Variants in PPARGC1A observed in about 807,000 individuals in gnomAD.
The protein encoded by PPARGC1A is PPARG coactivator 1 alpha.
Under a neutral mutation model 88.7 loss-of-function variants are expected in PPARGC1A, and 25 were observed. That is an observed-to-expected ratio of 0.28 (90% CI 0.21 to 0.39). The LOEUF is 0.39. PPARGC1A is among the 10% of genes least tolerant of loss of function. PPARGC1A has a pLI of 1.00. For synonymous variants in PPARGC1A, 363 were observed against 355.6 expected (o/e 1.02, Z -0.24); for missense variants, 880 against 968.7 (o/e 0.91, Z 1.22).
the PPARGC1A span, among the ~76,000 whole-genome samples, chr4:23,994,880 A>G: frequency 1.3e-5 from 2 of 152,208 alleles, no homozygotes; most frequent in African/African-American, 4.8e-5. Flanking sequence ...GACGAATTCC[A>G]GTCAATCAAC....
the PPARGC1A span, among the ~76,000 whole-genome samples, chr4:24,437,984 G>A: frequency 3.3e-5 from 5 of 152,074 alleles, no homozygotes; most frequent in African/African-American, 1.2e-4. Flanking sequence ...GCCTACAGCA[G>A]GGTTTCAGCT....
chr4:23,991,277 G>A, the PPARGC1A span, among the ~76,000 whole-genome samples: 1 of 152,032 alleles, frequency 6.6e-6, no homozygotes, highest in Non-Finnish European at 1.5e-5. Context: ...ATGAAATGAG[G>A]AATAATGTTT....
the PPARGC1A span, among the ~76,000 whole-genome samples, chr4:24,160,867 A>G: frequency 6.6e-6 from 1 of 152,152 alleles, no homozygotes; most frequent in African/African-American, 2.4e-5. Flanking sequence ...CTACTGAACA[A>G]AACACTCAAA....
At chr4:24,147,213 C>G in the PPARGC1A span, among the ~76,000 whole-genome samples, 1 of 152,176 alleles carries the variant, frequency 6.6e-6, no homozygotes, top group Non-Finnish European at 1.5e-5. Flanking sequence ...CCAGAGTAAA[C>G]TGGGCAGAGG....
intron 2 of PPARGC1A, among the ~76,000 whole-genome samples, chr4:23,869,714 A>G (rs1712869009): frequency 6.6e-6 from 1 of 152,142 alleles, no homozygotes; most frequent in Admixed American, 6.5e-5. Flanking sequence ...TGATATTACG[A>G]TTTCGTATGC....
At chr4:24,067,836 G>A in the PPARGC1A span, among the ~76,000 whole-genome samples, 1 of 152,100 alleles carries the variant, frequency 6.6e-6, no homozygotes, top group Non-Finnish European at 1.5e-5. Flanking sequence ...AATTCCAACT[G>A]CCAAAGTAAC....
the PPARGC1A span, among the ~76,000 whole-genome samples, chr4:24,338,159 T>C: frequency 6.6e-6 from 1 of 152,156 alleles, no homozygotes; most frequent in African/African-American, 2.4e-5. Flanking sequence ...TCTAAAGCAA[T>C]GCGATCAGAA....
intron 2 of PPARGC1A, among the ~76,000 whole-genome samples, chr4:23,848,199 T>C (rs1728653414): frequency 6.6e-6 from 1 of 152,220 alleles, no homozygotes; most frequent in South Asian, 2.1e-4. Flanking sequence ...TTCATGCCTC[T>C]CAGATAAAAT....
chr4:24,261,746 C>T, the PPARGC1A span, among the ~76,000 whole-genome samples: 1 of 151,964 alleles, frequency 6.6e-6, no homozygotes. Flanking sequence ...CTCCTATTTG[C>T]CTATTTCTGA....
Position 23,813,722 on chromosome 4 carries a change from T to C in PPARGC1A, c.1761A>G (p.Arg587=), listed in dbSNP as rs2109462702. The change falls in exon 8 of 13, where the codon AGA becomes AGG. Residue 587 remains arginine, a synonymous_variant. Coordinates refer to ENST00000264867, the MANE Select transcript of PPARGC1A (RefSeq NM_013261.5). ...SCSRSPYSRS[R]SRSPGSRSSS... ...AGGATCTACTGCCTGGAGACCTTGA[T>C]CTTGACCTGGAATATGGTGATCGGG... 6.2e-7 allele frequency: 1 copy of C among 1,610,178 alleles called. No homozygotes were observed. Among genetic ancestry groups the C allele is most frequent in the Non-Finnish European group, 8.5e-7 (1 of 1,177,738 alleles).
the PPARGC1A span, among the ~76,000 whole-genome samples, chr4:23,951,492 C>T: frequency 1.3e-5 from 2 of 152,086 alleles, 1 homozygote; most frequent in African/African-American, 4.8e-5. Context: ...GCAATTCATC[C>T]CATGGTTTTT....
chr4:24,312,118 CCTCA>C, the PPARGC1A span, among the ~76,000 whole-genome samples: 5 of 152,242 alleles, frequency 3.3e-5, no homozygotes, highest in Non-Finnish European at 5.9e-5. Context: ...ATTCTTTAAG[CCTCA>C]CTAATTCAGA....
the PPARGC1A span, among the ~76,000 whole-genome samples, chr4:24,051,410 A>T: frequency 6.6e-6 from 1 of 152,136 alleles, no homozygotes; most frequent in African/African-American, 2.4e-5. Flanking sequence ...ATAGTTATTT[A>T]TTGTTCAGTT....
the PPARGC1A span, among the ~76,000 whole-genome samples, chr4:24,301,787 C>G: frequency 6.6e-6 from 1 of 152,160 alleles, no homozygotes; most frequent in South Asian, 2.1e-4. Context: ...TGACCAGTTT[C>G]TTGGTTCTTA....
chr4:24,346,307 G>A, the PPARGC1A span, among the ~76,000 whole-genome samples: 1 of 152,070 alleles, frequency 6.6e-6, no homozygotes. Context: ...AATGAGTTAG[G>A]GAGGGTTTTT....
chr4:23,818,596 C>A (rs16874181), intron 7 of PPARGC1A, among the ~76,000 whole-genome samples: 2,387 of 152,134 alleles, frequency 0.016, 72 homozygotes, highest in African/African-American at 0.055. Context: ...ACATCACTCA[C>A]ACTTACGCAC....
the PPARGC1A span, among the ~76,000 whole-genome samples, chr4:23,993,456 A>G: frequency 6.6e-6 from 1 of 152,188 alleles, no homozygotes; most frequent in African/African-American, 2.4e-5. Context: ...TTCCTCCATG[A>G]AGTGAGATTA....
chr4:24,064,308 C>A, the PPARGC1A span, among the ~76,000 whole-genome samples: 1 of 152,194 alleles, frequency 6.6e-6, no homozygotes, highest in Non-Finnish European at 1.5e-5. Flanking sequence ...TGCCTGTACA[C>A]CCCTGACATG....
chr4:24,062,238 A>G, the PPARGC1A span, among the ~76,000 whole-genome samples: 2 of 152,290 alleles, frequency 1.3e-5, no homozygotes, highest in South Asian at 2.1e-4. Flanking sequence ...TGACAATGAC[A>G]CTATTGTAAT....
Sources: gnomAD v4.1 joint callset for allele counts (sites outside exome capture counted in the v4.1 genomes callset) on GRCh38, gnomAD v4.1.1 for gene constraint, MANE v1.5 for transcripts, NCBI Gene and HGNC (gene_info 2026-07-23, HGNC 2026-07-21) for gene names.